The following NFU1 variants were observed in gnomAD, a reference collection of about 807,000 sequenced individuals.
The protein encoded by NFU1 is NFU1 iron-sulfur cluster scaffold homolog, mitochondrial.
A neutral mutation model predicts 32.2 loss-of-function variants in NFU1; 30 were observed. The observed-to-expected ratio is 0.93, with a 90% CI of 0.70 to 1.26. The LOEUF (loss-of-function observed/expected upper bound fraction) is 1.26. NFU1 is among the 50% of genes most tolerant of loss of function. The probability of loss-of-function intolerance (pLI) is 0.00; values close to 1 mark genes in which losing one functional copy is unlikely to be tolerated. For missense variants in NFU1, 306 were observed against 306.6 expected (o/e 1.00, Z 0.02); for synonymous variants, 112 against 104.6 (o/e 1.07, Z -0.43).
chr2:69,417,406 G>A (rs1420555475), intron 4 of NFU1, among the ~76,000 whole-genome samples: 1 of 151,850 alleles, frequency 6.6e-6, no homozygotes, highest in African/African-American at 2.4e-5. Context: ...ATTTTGGGAG[G>A]CCGAGACAGA....
At chr2:69,425,068 CG>C (rs1264074612) in intron 2 of NFU1, among the ~76,000 whole-genome samples, 1 of 151,744 alleles carries the variant, frequency 6.6e-6, no homozygotes, top group Non-Finnish European at 1.5e-5. Flanking sequence ...TTAGTAGAGA[CG>C]GGGTTTCACT....
intron 5 of NFU1, among the ~76,000 whole-genome samples, 156 bp from the exon 6 acceptor site, chr2:69,406,238 T>C (rs948908866): frequency 3.3e-5 from 5 of 152,294 alleles, no homozygotes; most frequent in Middle Eastern, 3.4e-3. Context: ...TTTTGGGAAA[T>C]TGATGACAGA....
At chr2:69,408,740 AT>A (rs1312616423) in intron 5 of NFU1, among the ~76,000 whole-genome samples, 1 of 17,582 alleles carries the variant, frequency 5.7e-5, no homozygotes, top group African/African-American at 2.3e-3. Flanking sequence ...AATTTTATAT[AT>A]ATATATATAT....
chr2:69,418,265 T>C (rs529040321), intron 4 of NFU1, among the ~76,000 whole-genome samples: 1 of 152,130 alleles, frequency 6.6e-6, no homozygotes. Context: ...TTGGACATGG[T>C]GGTATGCACG....
upstream of NFU1, among the ~76,000 whole-genome samples, chr2:69,439,019 C>T (rs578112685): frequency 2.8e-4 from 42 of 151,940 alleles, no homozygotes; most frequent in Non-Finnish European, 5.1e-4. Flanking sequence ...TCTTCTCAGA[C>T]TTCAATTTTT....
At chr2:69,420,381 TA>T (rs2104783662) in intron 3 of NFU1, among the ~76,000 whole-genome samples, 1 of 152,366 alleles carries the variant, frequency 6.6e-6, no homozygotes, top group East Asian at 1.9e-4. Flanking sequence ...AACTAATCTA[TA>T]ACTGAATTAA....
At chr2:69,414,886 G>A (rs1368404846) in intron 5 of NFU1, among the ~76,000 whole-genome samples, 1 of 151,892 alleles carries the variant, frequency 6.6e-6, no homozygotes. Context: ...CATTTGTTTT[G>A]TTTTTCCCAA....
At chr2:69,416,179 A>G (rs543693862) in intron 4 of NFU1, 1 of 151,320 alleles carries the variant, frequency 6.6e-6, no homozygotes, top group South Asian at 2.1e-4. Context: ...TGCAATGGCA[A>G]CCACTTCTGG....
At chr2:69,396,316 T>TA (rs1558801259) in intron 7 of NFU1, 26 bp from the exon 8 acceptor site, 1 of 1,537,490 alleles carries the variant, frequency 6.5e-7, no homozygotes, top group Non-Finnish European at 8.9e-7. Context: ...AAAGACAATT[T>TA]AAGAATTAAG....
intron 1 of NFU1, 84 bp downstream of exon 1, chr2:69,437,277 C>CGA (rs909313871): frequency 1.3e-6 from 2 of 1,537,044 alleles, no homozygotes; most frequent in Non-Finnish European, 1.7e-6. Flanking sequence ...CCACCCGCCT[C>CGA]GAGAGAGGGT....
At chr2:69,409,443 C>T (rs1342512265) in intron 5 of NFU1, among the ~76,000 whole-genome samples, 1 of 152,080 alleles carries the variant, frequency 6.6e-6, no homozygotes, top group East Asian at 1.9e-4. Flanking sequence ...AGACTCAAGA[C>T]ATATATCTAA....
chr2:69,408,086 G>A (rs1479897112), intron 5 of NFU1, among the ~76,000 whole-genome samples: 1 of 151,722 alleles, frequency 6.6e-6, no homozygotes, highest in African/African-American at 2.4e-5. Context: ...AGCTAAAACT[G>A]TCTTAGATCA....
At chr2:69,417,421 T>A (rs556268846) in intron 4 of NFU1, among the ~76,000 whole-genome samples, 1 of 150,928 alleles carries the variant, frequency 6.6e-6, no homozygotes. Flanking sequence ...GACAGAAGGA[T>A]TGCATGAGCC....
intron 6 of NFU1, among the ~76,000 whole-genome samples, chr2:69,405,493 G>C (rs947084282): frequency 6.6e-6 from 1 of 152,142 alleles, no homozygotes; most frequent in African/African-American, 2.4e-5. Context: ...TTCTCTCCAG[G>C]ATCTTGGCAC....
intron 5 of NFU1, among the ~76,000 whole-genome samples, chr2:69,409,929 A>G (rs780819757): frequency 1.3e-5 from 2 of 152,212 alleles, no homozygotes; most frequent in East Asian, 3.8e-4. Context: ...AGCAGTGTAT[A>G]TATGTGTATA....
At chr2:69,405,999 C>T in intron 6 of NFU1, 23 bp downstream of exon 6, 2 of 1,504,876 alleles carry the variant, frequency 1.3e-6, no homozygotes, top group Non-Finnish European at 1.8e-6. Flanking sequence ...CACTTGAATT[C>T]AGGTAGAGAG....
Position 69,431,952 on chromosome 2 carries a change from T to G in NFU1, c.116A>C (p.Gln39Pro). 1 of 1,613,980 alleles carries G rather than the reference T, an allele frequency of 6.2e-7. No individual in the cohort carries two copies. The highest frequency in any genetic ancestry group is 8.5e-7 in the Non-Finnish European group (1 of 1,179,928). The change falls in exon 2 of 8, where the codon CAG becomes CCG. Residue 39 changes from glutamine (Q) to proline (P), a missense_variant. Physicochemically the swap from Gln to Pro is moderately conservative, Grantham distance 76 (BLOSUM62 -1). Transcript: ENST00000410022. ...TGGGAAAAGTGGTCTTTGTACAAAC[T>G]GATGCAGAGGCTGTTTCTTAATGGT... ...PYTIKKQPLH[Q>P]FVQRPLFPLP...
At chr2:69,400,331 A>C (rs764605867) in intron 7 of NFU1, 33 bp downstream of exon 7, 2 of 1,594,708 alleles carry the variant, frequency 1.3e-6, no homozygotes, top group Admixed American at 3.3e-5. Context: ...AAAAAATGAA[A>C]AAAATCTAGA....
intron 1 of NFU1, among the ~76,000 whole-genome samples, chr2:69,433,360 A>G (rs374134186): frequency 4.6e-5 from 7 of 150,914 alleles, no homozygotes; most frequent in African/African-American, 1.7e-4. Flanking sequence ...TGTACTTTTT[A>G]GTAGAGACAG....
Sources: gnomAD v4.1 joint callset for allele counts (sites outside exome capture counted in the v4.1 genomes callset) on GRCh38, gnomAD v4.1.1 for gene constraint, MANE v1.5 for transcripts, NCBI Gene and HGNC (gene_info 2026-07-23, HGNC 2026-07-21) for gene names.